Variants in ZFHX3 observed in about 807,000 individuals in gnomAD.
ZFHX3 encodes the protein zinc finger homeobox protein 3.
A neutral mutation model predicts 279.1 loss-of-function variants in ZFHX3; 42 were observed. The observed-to-expected ratio is 0.15, with a 90% confidence interval of 0.12 to 0.19. The LOEUF (loss-of-function observed/expected upper bound fraction) is 0.19. Ranked by LOEUF, ZFHX3 falls within the 10% of genes least tolerant of loss-of-function variation. The pLI is 1.00. For synonymous variants in ZFHX3, 2,293 were observed against 1,957.8 expected (o/e 1.17, Z -4.52); for missense variants, 4,981 against 4,754.0 (o/e 1.05, Z -1.40).
intron 1 of ZFHX3, among the ~76,000 whole-genome samples, chr16:73,735,059 C>A (rs1328751360): frequency 6.6e-6 from 1 of 152,040 alleles, no homozygotes; most frequent in African/African-American, 2.4e-5. Flanking sequence ...TGATAAAAGA[C>A]ACATCAAATT....
intron 1 of ZFHX3, among the ~76,000 whole-genome samples, chr16:73,701,845 A>G (rs1429947927): frequency 1.3e-5 from 2 of 151,440 alleles, no homozygotes; most frequent in East Asian, 1.9e-4. Flanking sequence ...TGTTGCAGAT[A>G]TTGAAAATAT....
At chr16:73,887,522 T>C (rs1397393681) in intron 1 of ZFHX3, among the ~76,000 whole-genome samples, 4 of 152,172 alleles carry the variant, frequency 2.6e-5, no homozygotes, top group Admixed American at 6.5e-5. Context: ...TCCACACAGA[T>C]GTGTTTCTGT....
chr16:73,560,343 A>G (rs1275844682), intron 2 of ZFHX3, among the ~76,000 whole-genome samples: 1 of 152,218 alleles, frequency 6.6e-6, no homozygotes, highest in Non-Finnish European at 1.5e-5. Context: ...TCTCAGGCCC[A>G]TTTGTGTTCG....
At chr16:73,888,033 A>G (rs1360154709) in intron 1 of ZFHX3, among the ~76,000 whole-genome samples, 1 of 152,150 alleles carries the variant, frequency 6.6e-6, no homozygotes, top group Non-Finnish European at 1.5e-5. Context: ...GCTCCCAGGA[A>G]GTGGATGCAA....
chr16:73,150,813 C>T (rs957198034), intron 5 of ZFHX3, among the ~76,000 whole-genome samples: 1 of 152,218 alleles, frequency 6.6e-6, no homozygotes, highest in East Asian at 1.9e-4. Flanking sequence ...TACATTTTAA[C>T]CCTTAACATG....
chr16:73,324,113 A>G (rs1347661162), intron 3 of ZFHX3, among the ~76,000 whole-genome samples: 1 of 152,234 alleles, frequency 6.6e-6, no homozygotes, highest in African/African-American at 2.4e-5. Context: ...CATGTAGCCA[A>G]GTGTAGCCAG....
intron 1 of ZFHX3, among the ~76,000 whole-genome samples, chr16:73,008,198 T>A (rs1288764204): frequency 1.3e-5 from 2 of 152,210 alleles, no homozygotes; most frequent in Non-Finnish European, 2.9e-5. Flanking sequence ...TCTTTAATAA[T>A]GTTTTAAAGC....
At chr16:73,005,543 C>CAGCACTTTGGGAGGCCTTTGGG (rs1180087493) in intron 1 of ZFHX3, 1 of 152,336 alleles carries the variant, frequency 6.6e-6, no homozygotes, top group African/African-American at 2.4e-5. Flanking sequence ...CCTGTAATCC[C>CAGCACTTTGGGAGGCCTTTGGG]AGCACTTTGG....
intron 1 of ZFHX3, among the ~76,000 whole-genome samples, chr16:73,878,916 T>A (rs893485875): frequency 5.4e-5 from 8 of 147,248 alleles, no homozygotes; most frequent in Admixed American, 5.4e-4. Flanking sequence ...CAGTCCTACA[T>A]CCTTCACTGT....
intron 5 of ZFHX3, among the ~76,000 whole-genome samples, chr16:73,242,708 T>C (rs192368780): frequency 6.6e-6 from 1 of 152,328 alleles, no homozygotes; most frequent in East Asian, 1.9e-4. Context: ...TAACTGATCA[T>C]GCAATAACGA....
chr16:73,236,575 G>T (rs1471792081), intron 5 of ZFHX3, among the ~76,000 whole-genome samples: 1 of 152,026 alleles, frequency 6.6e-6, no homozygotes, highest in East Asian at 1.9e-4. Flanking sequence ...CCCAGCCTGG[G>T]CAACAGAGCA....
In ZFHX3 at chr16:73,482,665, G is replaced by A. The variant is rs77903181; in HGVS notation, c.-1546-26407C>T. On this transcript the variant is annotated intron_variant, in intron 2 of 17. Coordinates refer to the ZFHX3 transcript ENST00000641206. ...TTTATGTTCAATTTGTACAAATGGA[G>A]AAAATGAGATTTCAAATTTCAATGC... is the stretch of plus-strand genomic sequence containing the variant. Among the ~76,000 whole-genome samples the A allele has an allele frequency of 2.2e-3, 334 of 152,260 alleles. 6 individuals carry two copies. In the East Asian group the frequency reaches 0.055, roughly 25 times the overall value.
rs992824893 is a variant in ZFHX3, at chr16:72,786,201, T to C, written c.*963A>G. ...AACAAGACAACATCAAATGAGGAGC[T>C]GTCAGCTGGACCATACAAAAAGCTA... On this transcript the variant is annotated 3_prime_UTR_variant, in exon 10 of 10. Coordinates refer to ENST00000268489, the MANE Select transcript of ZFHX3 (RefSeq NM_006885.4). The C allele has an allele frequency of 2.6e-5, 4 of 151,682 alleles. No homozygotes were observed. The highest frequency in any genetic ancestry group is 2.6e-4 in the Admixed American group (4 of 15,204). The allele number at this position is 151,682 out of a possible 1,614,324, so 9.4% of individuals were successfully genotyped here.
intron 1 of ZFHX3, among the ~76,000 whole-genome samples, chr16:73,791,511 G>A (rs1395973927): frequency 3.9e-5 from 6 of 151,998 alleles, no homozygotes; most frequent in East Asian, 1.9e-4. Context: ...TGCGACCTCC[G>A]TCTCCCAGGT....
intron 2 of ZFHX3, among the ~76,000 whole-genome samples, chr16:73,621,169 A>G (rs2052357582): frequency 6.6e-6 from 1 of 152,200 alleles, no homozygotes; most frequent in Non-Finnish European, 1.5e-5. Flanking sequence ...CCTCCACTGT[A>G]TCCTGAGTCT....
At chr16:72,900,354 T>C (rs569262324) in intron 3 of ZFHX3, among the ~76,000 whole-genome samples, 2 of 152,262 alleles carry the variant, frequency 1.3e-5, no homozygotes, top group South Asian at 2.1e-4. Context: ...TCCAATCCCA[T>C]GACAGTCAAT....
At position 72,788,323 on chromosome 16, in the gene ZFHX3, TAAG is replaced by T. The variant is rs769095455; in HGVS notation, c.9950_9952del (p.Pro3317_Tyr3318delinsHis). ...GGCGCCAGGGATCTGGGGAGCATAA[TAAG>T]GAGAAAAGCCTGGTACAAAGTAAGG... On this transcript the variant is annotated inframe_deletion, in exon 10 of 10. Transcript: ENST00000268489. The T allele has an allele frequency of 1.9e-5, 31 of 1,614,102 alleles. No individual in the cohort carries two copies. The highest frequency in any genetic ancestry group is 3.3e-5 in the South Asian group (3 of 91,070).
Position 72,788,487 on chromosome 16 carries a change from C to A in ZFHX3, c.9789G>T (p.Glu3263Asp). 1 of 1,614,208 alleles carries A rather than the reference C, an allele frequency of 6.2e-7. No individual in the cohort carries two copies. The highest frequency in any genetic ancestry group is 8.5e-7 in the Non-Finnish European group (1 of 1,180,036). ...TCGTGGCTGCAGTTGCCGTGGGGGCCTCTCCTTTCTCCTTCTTGGGGACAG... is the reference window on the plus strand; with the variant it reads ...TCGTGGCTGCAGTTGCCGTGGGGGCATCTCCTTTCTCCTTCTTGGGGACAG... ...PLPVPKKEKG[E>D]APTATAATIS... The change falls in exon 10 of 10, where the codon GAG becomes GAT. Residue 3263 changes from glutamate to aspartate, a missense_variant. By Grantham distance (45) the Glu-to-Asp change is conservative. Coordinates refer to ENST00000268489, the MANE Select transcript of ZFHX3 (RefSeq NM_006885.4).
intron 2 of ZFHX3, among the ~76,000 whole-genome samples, chr16:73,462,897 G>C (rs981263094): frequency 5.3e-5 from 8 of 152,072 alleles, no homozygotes; most frequent in Non-Finnish European, 8.8e-5. Flanking sequence ...TTTTAGTCTG[G>C]GTTTGGCATC....
Sources: gnomAD v4.1 joint callset for allele counts (sites outside exome capture counted in the v4.1 genomes callset) on GRCh38, gnomAD v4.1.1 for gene constraint, MANE v1.5 for transcripts, NCBI Gene and HGNC (gene_info 2026-07-23, HGNC 2026-07-21) for gene names.